The following DCPH1 variants were observed in gnomAD, a reference collection of about 807,000 sequenced individuals.
DCPH1 encodes damage control phosphatase 1, also known as damage-control phosphatase 1.
At chr6:151,452,979 A>C in the DCPH1 span, among the ~76,000 whole-genome samples, 1 of 152,192 alleles carries the variant, frequency 6.6e-6, no homozygotes, top group South Asian at 2.1e-4. Flanking sequence ...CACAGTAAGA[A>C]CTGTCTAGTT....
At chr6:151,453,927 G>T in the DCPH1 span, among the ~76,000 whole-genome samples, 1,450 of 152,136 alleles carry the variant, frequency 9.5e-3, 24 homozygotes, top group African/African-American at 0.033. Context: ...CTGATTTTTT[G>T]AGTGGGAAGA....
At chr6:151,453,601 A>G in the DCPH1 span, among the ~76,000 whole-genome samples, 1 of 152,330 alleles carries the variant, frequency 6.6e-6, no homozygotes, top group African/African-American at 2.4e-5. Context: ...TTCTATAGCT[A>G]TCATTTGAGG....
At chr6:151,467,751 TAATTC>T in the DCPH1 span, among the ~76,000 whole-genome samples, 7 of 152,336 alleles carry the variant, frequency 4.6e-5, no homozygotes, top group East Asian at 1.3e-3. Context: ...AATTGAGTAT[TAATTC>T]AATTTAAAGC....
At chr6:151,460,910 A>G in the DCPH1 span, among the ~76,000 whole-genome samples, 1 of 152,218 alleles carries the variant, frequency 6.6e-6, no homozygotes, top group Non-Finnish European at 1.5e-5. Flanking sequence ...TGACTGTGCA[A>G]CCCAGTGAAA....
chr6:151,457,321 A>G, the DCPH1 span, among the ~76,000 whole-genome samples: 5 of 152,228 alleles, frequency 3.3e-5, no homozygotes, highest in African/African-American at 1.2e-4. Context: ...TTTGAATTCA[A>G]TTCAAGTAAG....
At chr6:151,469,245 A>C in the DCPH1 span, 17 of 632,426 alleles carry the variant, frequency 2.7e-5, no homozygotes, top group African/African-American at 3.7e-5. Flanking sequence ...GTGCCCATCT[A>C]CGTGCACTGG....
At chr6:151,464,508 G>T in the DCPH1 span, 1 of 1,610,106 alleles carries the variant, frequency 6.2e-7, no homozygotes, top group South Asian at 1.1e-5. Context: ...AAATTTCTAT[G>T]GGTCACAGGA....
At chr6:151,469,023 T>A in the DCPH1 span, 2 of 1,614,182 alleles carry the variant, frequency 1.2e-6, no homozygotes, top group Non-Finnish European at 1.7e-6. Flanking sequence ...GTCTGCAGCC[T>A]GGGCAAGGGG....
chr6:151,453,303 T>C, the DCPH1 span, among the ~76,000 whole-genome samples: 1 of 152,184 alleles, frequency 6.6e-6, no homozygotes, highest in Non-Finnish European at 1.5e-5. Context: ...AGAGACTTTG[T>C]TCCAGAGGTG....
At chr6:151,462,723 G>A in the DCPH1 span, among the ~76,000 whole-genome samples, 1 of 152,164 alleles carries the variant, frequency 6.6e-6, no homozygotes, top group Non-Finnish European at 1.5e-5. Context: ...GTCATAGTGT[G>A]TGTACATACA....
At chr6:151,452,557 C>A in the DCPH1 span, 2 of 1,611,848 alleles carry the variant, frequency 1.2e-6, no homozygotes, top group Non-Finnish European at 1.7e-6. Context: ...TGGCTGTCGT[C>A]CCGGCGTCTC....
At chr6:151,455,496 A>G in the DCPH1 span, among the ~76,000 whole-genome samples, 1 of 152,242 alleles carries the variant, frequency 6.6e-6, no homozygotes, top group South Asian at 2.1e-4. Context: ...ATCATAGACA[A>G]TGTAAAGGAT....
At chr6:151,468,805 G>C in the DCPH1 span, 1 of 1,614,236 alleles carries the variant, frequency 6.2e-7, no homozygotes, top group East Asian at 2.2e-5. Context: ...TCTGCCTCAT[G>C]AGTACTGTGC....
At chr6:151,453,684 A>G in the DCPH1 span, among the ~76,000 whole-genome samples, 6 of 152,364 alleles carry the variant, frequency 3.9e-5, no homozygotes, top group Admixed American at 6.5e-5. Flanking sequence ...GGAGATAAAA[A>G]CACTAGTCAG....
At chr6:151,466,020 G>A in the DCPH1 span, among the ~76,000 whole-genome samples, 2 of 152,238 alleles carry the variant, frequency 1.3e-5, no homozygotes, top group African/African-American at 4.8e-5. Flanking sequence ...CCGGGTTTAA[G>A]CAATTCTCCT....
At chr6:151,464,613 C>A in the DCPH1 span, 1 of 1,603,190 alleles carries the variant, frequency 6.2e-7, no homozygotes, top group Non-Finnish European at 8.5e-7. Flanking sequence ...TTTTAAACTT[C>A]TGCAGGTAAA....
At chr6:151,469,066 A>G in the DCPH1 span, 102 of 1,613,604 alleles carry the variant, frequency 6.3e-5, no homozygotes, top group Non-Finnish European at 8.1e-5. Context: ...CAGCTGGTGG[A>G]CCACTGGAAA....
the DCPH1 span, chr6:151,452,500 G>T: frequency 3.1e-6 from 5 of 1,606,512 alleles, no homozygotes; most frequent in Non-Finnish European, 4.2e-6. Flanking sequence ...CTCTGTTTCT[G>T]CGGCGATTGA....
At chr6:151,466,149 C>T in the DCPH1 span, among the ~76,000 whole-genome samples, 7 of 152,304 alleles carry the variant, frequency 4.6e-5, no homozygotes, top group East Asian at 1.9e-4. Context: ...GAACTCCTGA[C>T]CTCAGGTGAT....
Sources: allele counts gnomAD v4.1 joint callset (sites outside exome capture counted in the v4.1 genomes callset), GRCh38; gene constraint gnomAD v4.1.1; transcripts MANE v1.5; gene names NCBI Gene and HGNC (gene_info 2026-07-23, HGNC 2026-07-21).